Variants in ALCAM observed in about 807,000 individuals in gnomAD.
ALCAM encodes the protein CD166 antigen.
In ALCAM, 30 loss-of-function variants were observed where a neutral mutation model predicts 70.9. That is an observed-to-expected ratio of 0.42 (90% CI 0.32 to 0.57). The LOEUF is 0.57. ALCAM is among the 20% of genes least tolerant of loss of function. The probability of loss-of-function intolerance (pLI) is 0.11; values close to 1 mark genes in which losing one functional copy is unlikely to be tolerated. For synonymous variants in ALCAM, 249 were observed against 242.5 expected, an observed-to-expected ratio of 1.03 and a Z score of -0.25; for missense variants, 591 against 695.1, an observed-to-expected ratio of 0.85 and a Z score of 1.68.
chr3:105,484,260 A>G (rs1938358900), intron 1 of ALCAM, among the ~76,000 whole-genome samples: 2 of 150,424 alleles, frequency 1.3e-5, no homozygotes. Context: ...TGGATGAATT[A>G]CTTTTGTTAC....
chr3:105,564,873 C>G (rs1044938221), intron 14 of ALCAM, among the ~76,000 whole-genome samples: 16 of 152,304 alleles, frequency 1.1e-4, no homozygotes, highest in Admixed American at 9.8e-4. Flanking sequence ...TGGCAAAACC[C>G]TGTCCCTACT....
chr3:105,520,251 A>T, intron 2 of ALCAM, 84 bp downstream of exon 2: 1 of 960,540 alleles, frequency 1.0e-6, no homozygotes. Flanking sequence ...TGAATTTCAA[A>T]TTAACCTAAA....
At chr3:105,495,490 T>C (rs1165855831) in intron 1 of ALCAM, among the ~76,000 whole-genome samples, 3 of 150,836 alleles carry the variant, frequency 2.0e-5, no homozygotes, top group Non-Finnish European at 4.4e-5. Flanking sequence ...AGAAAGAGAA[T>C]CTGTGAAAGA....
At chr3:105,455,324 C>A (rs911482550) in intron 1 of ALCAM, among the ~76,000 whole-genome samples, 2 of 151,550 alleles carry the variant, frequency 1.3e-5, no homozygotes, top group African/African-American at 2.4e-5. Context: ...CGCCTGTGGT[C>A]CCAGCTACTC....
At chr3:105,497,001 T>A (rs1334328890) in intron 1 of ALCAM, among the ~76,000 whole-genome samples, 1 of 152,140 alleles carries the variant, frequency 6.6e-6, no homozygotes, top group Admixed American at 6.6e-5. Flanking sequence ...TCATTCTAAC[T>A]ATTCTTAGCA....
At chr3:105,439,816 A>C (rs893919474) in intron 1 of ALCAM, among the ~76,000 whole-genome samples, 2 of 152,194 alleles carry the variant, frequency 1.3e-5, no homozygotes, top group African/African-American at 4.8e-5. Context: ...AGGTCAGGGC[A>C]AAAAGTATAG....
chr3:105,559,964 T>G (rs777718891), intron 14 of ALCAM, among the ~76,000 whole-genome samples: 1 of 152,188 alleles, frequency 6.6e-6, no homozygotes, highest in Non-Finnish European at 1.5e-5. Context: ...CATTCTCTTC[T>G]TGGACATTTG....
intron 1 of ALCAM, among the ~76,000 whole-genome samples, chr3:105,464,368 T>A (rs1383083922): frequency 1.4e-5 from 2 of 143,918 alleles, no homozygotes; most frequent in African/African-American, 2.5e-5. Context: ...AATGAAAACT[T>A]TAAAAGAAAT....
rs1250523523 is a variant in ALCAM, at chr3:105,367,334, C to G, written c.-75C>G. 1.5e-5 allele frequency: 23 copies of G among 1,516,922 alleles called. No individual in the cohort carries two copies. The highest frequency in any genetic ancestry group is 4.1e-5 in the African/African-American group (3 of 72,338). The allele number at this position is 1,516,922 out of a possible 1,614,324, so 94.0% of individuals were successfully genotyped here. ...GCGTCGGGACCCGCCAGCGCGCGGG[C>G]ACCGCGGGGCCCGGGACGACGCCCC... On this transcript the variant is annotated 5_prime_UTR_variant, in exon 1 of 16. Coordinates refer to ENST00000306107, the MANE Select transcript of ALCAM (RefSeq NM_001627.4).
chr3:105,389,398 T>TTTC (rs1553718636), intron 1 of ALCAM, among the ~76,000 whole-genome samples: 19 of 127,892 alleles, frequency 1.5e-4, no homozygotes, highest in Middle Eastern at 4.2e-3. Context: ...TTTTTTTTTT[T>TTTC]CTAAAAAACA....
At chr3:105,470,138 C>T (rs1202721120) in intron 1 of ALCAM, among the ~76,000 whole-genome samples, 54 of 148,628 alleles carry the variant, frequency 3.6e-4, no homozygotes, top group Middle Eastern at 3.4e-3. Context: ...TACATACACA[C>T]ACACACACAC....
chr3:105,539,905 T>C, intron 6 of ALCAM, 70 bp from the exon 7 acceptor site: 1 of 1,504,714 alleles, frequency 6.6e-7, no homozygotes, highest in Non-Finnish European at 9.1e-7. Flanking sequence ...AATTTAGTCA[T>C]TTACATTGTA....
At chr3:105,522,321 A>C (rs532304275) in intron 2 of ALCAM, among the ~76,000 whole-genome samples, 1 of 152,322 alleles carries the variant, frequency 6.6e-6, no homozygotes, top group South Asian at 2.1e-4. Context: ...GCAATTTTCA[A>C]ATTTTTAGTT....
chr3:105,551,284 C>T (rs1204689276), intron 12 of ALCAM, among the ~76,000 whole-genome samples: 5 of 151,650 alleles, frequency 3.3e-5, no homozygotes, highest in Non-Finnish European at 5.9e-5. Flanking sequence ...ATTTGTCCCA[C>T]CTAGGAAGAG....
intron 1 of ALCAM, among the ~76,000 whole-genome samples, chr3:105,393,383 A>G (rs1559775890): frequency 6.6e-6 from 1 of 151,852 alleles, no homozygotes; most frequent in Non-Finnish European, 1.5e-5. Context: ...TATACATGTT[A>G]TGGCGAGCAA....
intron 1 of ALCAM, 54 bp downstream of exon 1, chr3:105,367,535 C>T: frequency 6.2e-7 from 1 of 1,602,616 alleles, no homozygotes. Flanking sequence ...GAGCAGTTTC[C>T]TAGGTCCCCG....
At chr3:105,428,438 C>T (rs1397577294) in intron 1 of ALCAM, among the ~76,000 whole-genome samples, 1 of 151,030 alleles carries the variant, frequency 6.6e-6, no homozygotes, top group Non-Finnish European at 1.5e-5. Flanking sequence ...TTTTTCTGGC[C>T]CTGGAAGAGA....
At chr3:105,459,051 A>C (rs1937569679) in intron 1 of ALCAM, among the ~76,000 whole-genome samples, 1 of 152,136 alleles carries the variant, frequency 6.6e-6, no homozygotes, top group African/African-American at 2.4e-5. Context: ...ATGCTTAACA[A>C]CACATGCGAA....
chr3:105,409,736 C>T (rs1246207777), intron 1 of ALCAM, among the ~76,000 whole-genome samples: 1 of 152,022 alleles, frequency 6.6e-6, no homozygotes, highest in Non-Finnish European at 1.5e-5. Context: ...AAAGAAATTT[C>T]CTGTCCTAAC....
Sources: allele counts gnomAD v4.1 joint callset (sites outside exome capture counted in the v4.1 genomes callset), GRCh38; gene constraint gnomAD v4.1.1; transcripts MANE v1.5; gene names NCBI Gene and HGNC (gene_info 2026-07-23, HGNC 2026-07-21).